DPYD: variants seen among roughly 807,000 people sequenced by gnomAD.
The protein encoded by DPYD is dihydropyrimidine dehydrogenase [NADP(+)].
In DPYD, 109 loss-of-function variants were observed where a neutral mutation model predicts 116.2. The ratio of observed to expected loss-of-function variants is 0.94; its 90% confidence interval spans 0.80 to 1.10. The LOEUF is 1.10. Ranked by LOEUF, DPYD falls within the 50% of genes least tolerant of loss-of-function variation. The pLI is 0.00. For missense variants in DPYD, 1,302 were observed against 1,254.5 expected (o/e 1.04, Z -0.57); for synonymous variants, 440 against 432.0 (o/e 1.02, Z -0.23).
chr1:97,455,758 C>T (rs906584953), intron 13 of DPYD, among the ~76,000 whole-genome samples: 2 of 151,840 alleles, frequency 1.3e-5, no homozygotes, highest in African/African-American at 2.4e-5. Flanking sequence ...GATTCCTCCA[C>T]AAAATAAACT....
At chr1:97,694,979 A>G (rs1661215498) in intron 6 of DPYD, among the ~76,000 whole-genome samples, 1 of 152,210 alleles carries the variant, frequency 6.6e-6, no homozygotes, top group South Asian at 2.1e-4. Context: ...TGTGTTCTAC[A>G]GGAAAGTTAA....
At chr1:97,582,011 G>C (rs753609116) in intron 10 of DPYD, among the ~76,000 whole-genome samples, 16 of 152,160 alleles carry the variant, frequency 1.1e-4, no homozygotes, top group Non-Finnish European at 2.2e-4. Flanking sequence ...ATTTATAAGT[G>C]GAAGAGTCCT....
chr1:97,373,967 G>A (rs1395841470), intron 15 of DPYD, among the ~76,000 whole-genome samples: 4 of 152,184 alleles, frequency 2.6e-5, no homozygotes, highest in Admixed American at 6.5e-5. Context: ...GTGAACTGAA[G>A]CATAGGGAGG....
chr1:97,494,175 T>TA (rs1181592279), intron 13 of DPYD, among the ~76,000 whole-genome samples: 2 of 152,174 alleles, frequency 1.3e-5, no homozygotes, highest in Non-Finnish European at 2.9e-5. Context: ...CAGATAACTC[T>TA]AAAAAAATTT....
intron 16 of DPYD, among the ~76,000 whole-genome samples, chr1:97,320,207 A>C (rs1189692841): frequency 1.4e-5 from 2 of 138,586 alleles, no homozygotes; most frequent in African/African-American, 2.7e-5. Flanking sequence ...GCTCCTATTC[A>C]ACATAGTGTT....
intron 12 of DPYD, among the ~76,000 whole-genome samples, chr1:97,525,396 G>C (rs556047474): frequency 1.3e-5 from 2 of 152,174 alleles, no homozygotes; most frequent in South Asian, 2.1e-4. Flanking sequence ...AACCTCCTCA[G>C]CTTCCCACAA....
intron 1 of DPYD, among the ~76,000 whole-genome samples, chr1:97,899,244 T>C (rs973788183): frequency 6.6e-6 from 1 of 151,824 alleles, no homozygotes; most frequent in Non-Finnish European, 1.5e-5. Context: ...CAGCACTATA[T>C]GTATACATGA....
chr1:97,376,322 C>T (rs956202046), intron 15 of DPYD, among the ~76,000 whole-genome samples: 8 of 152,172 alleles, frequency 5.3e-5, no homozygotes, highest in East Asian at 1.9e-4. Flanking sequence ...AATATCCTTA[C>T]AGCTTCCAAG....
At chr1:97,658,119 T>C (rs567248146) in intron 8 of DPYD, among the ~76,000 whole-genome samples, 2 of 152,274 alleles carry the variant, frequency 1.3e-5, no homozygotes, top group African/African-American at 4.8e-5. Flanking sequence ...AGAAAATATC[T>C]TGTTTGGTTA....
intron 13 of DPYD, among the ~76,000 whole-genome samples, chr1:97,511,828 G>A (rs1032732757): frequency 1.2e-4 from 18 of 151,978 alleles, no homozygotes; most frequent in Admixed American, 9.2e-4. Flanking sequence ...AATATTGTGT[G>A]ATACTTGCCC....
intron 2 of DPYD, among the ~76,000 whole-genome samples, chr1:97,861,100 A>G (rs892552918): frequency 5.3e-5 from 8 of 152,176 alleles, no homozygotes; most frequent in South Asian, 2.1e-4. Flanking sequence ...TCACAGATCA[A>G]TTTGAGATCA....
chr1:97,648,296 G>C (rs1418188531), intron 8 of DPYD, among the ~76,000 whole-genome samples: 4 of 151,960 alleles, frequency 2.6e-5, no homozygotes, highest in Admixed American at 6.6e-5. Flanking sequence ...CTGGGGCTTA[G>C]AGTAAATGTC....
At chr1:97,342,969 G>A (rs1348766766) in intron 16 of DPYD, among the ~76,000 whole-genome samples, 3 of 151,884 alleles carry the variant, frequency 2.0e-5, no homozygotes, top group African/African-American at 4.8e-5. Flanking sequence ...TACATCTCCT[G>A]TATTTGACTT....
At chr1:97,240,779 C>T (rs903960800) in intron 18 of DPYD, among the ~76,000 whole-genome samples, 35 of 151,264 alleles carry the variant, frequency 2.3e-4, no homozygotes, top group African/African-American at 8.3e-4. Flanking sequence ...ATTTTTATAA[C>T]CTACATATAA....
At chr1:97,263,619 G>A (rs1302516481) in intron 18 of DPYD, among the ~76,000 whole-genome samples, 1 of 152,022 alleles carries the variant, frequency 6.6e-6, no homozygotes, top group East Asian at 1.9e-4. Context: ...AATATAGTGG[G>A]AATCAGTAGT....
chr1:97,557,201 CTGTT>C (rs1651797517), intron 11 of DPYD, among the ~76,000 whole-genome samples: 1 of 150,606 alleles, frequency 6.6e-6, no homozygotes, highest in Non-Finnish European at 1.5e-5. Context: ...TTTGATGGGG[CTGTT>C]TGTTTTTTTC....
chr1:97,747,718 C>T (rs1664637940), intron 3 of DPYD, among the ~76,000 whole-genome samples: 2 of 152,152 alleles, frequency 1.3e-5, no homozygotes, highest in Admixed American at 1.3e-4. Context: ...CTCAAATGTG[C>T]TTGCTCATCC....
chr1:97,379,461 A>T (rs149112864), intron 15 of DPYD, among the ~76,000 whole-genome samples: 2 of 152,260 alleles, frequency 1.3e-5, no homozygotes, highest in African/African-American at 4.8e-5. Flanking sequence ...GTCACCCAGG[A>T]ATTTTGCCAC....
chr1:97,788,179 CA>C (rs1379015418), intron 3 of DPYD, among the ~76,000 whole-genome samples: 1 of 152,178 alleles, frequency 6.6e-6, no homozygotes, highest in Non-Finnish European at 1.5e-5. Context: ...GGCACATTAA[CA>C]GAGACTTGGG....
Sources: gnomAD v4.1 joint callset for allele counts (sites outside exome capture counted in the v4.1 genomes callset) on GRCh38, gnomAD v4.1.1 for gene constraint, MANE v1.5 for transcripts, NCBI Gene and HGNC (gene_info 2026-07-23, HGNC 2026-07-21) for gene names.